Variants in ASIC2 observed in about 807,000 individuals in gnomAD.
ASIC2 encodes the protein acid-sensing ion channel 2.
A neutral mutation model predicts 57.3 loss-of-function variants in ASIC2; 25 were observed. The ratio of observed to expected loss-of-function variants is 0.44; its 90% CI spans 0.32 to 0.61. ASIC2 has a LOEUF of 0.61. Among genes scored for constraint, ASIC2 ranks in the 20% least tolerant of loss-of-function variants. ASIC2 has a pLI of 0.06. For synonymous variants in ASIC2, 319 were observed against 307.5 expected (o/e 1.04, Z -0.39); for missense variants, 641 against 738.1 (o/e 0.87, Z 1.52).
At chr17:33,487,326 G>GA (rs1199040571) in intron 1 of ASIC2, among the ~76,000 whole-genome samples, 2 of 152,180 alleles carry the variant, frequency 1.3e-5, no homozygotes, top group African/African-American at 4.8e-5. Flanking sequence ...CCAGAGCCAG[G>GA]AGGGGCCCCA....
intron 1 of ASIC2, among the ~76,000 whole-genome samples, chr17:33,424,364 C>T (rs936044999): frequency 2.0e-5 from 3 of 152,116 alleles, no homozygotes; most frequent in African/African-American, 7.2e-5. Flanking sequence ...TCTGGGAAAC[C>T]AGGAAGGAGA....
At chr17:33,571,185 G>A (rs1330741532) in intron 1 of ASIC2, among the ~76,000 whole-genome samples, 3 of 152,038 alleles carry the variant, frequency 2.0e-5, no homozygotes, top group African/African-American at 4.8e-5. Context: ...ATGACCTCAG[G>A]AGCCCTCTTT....
At chr17:33,368,714 C>G (rs560295363) in intron 1 of ASIC2, among the ~76,000 whole-genome samples, 2 of 152,266 alleles carry the variant, frequency 1.3e-5, no homozygotes, top group African/African-American at 2.4e-5. Flanking sequence ...TCATCTTGCC[C>G]CTTTATTTGG....
At chr17:33,939,840 C>T (rs1916146825) in intron 1 of ASIC2, among the ~76,000 whole-genome samples, 1 of 152,184 alleles carries the variant, frequency 6.6e-6, no homozygotes, top group Non-Finnish European at 1.5e-5. Flanking sequence ...GCTGCAGTAG[C>T]TCCCTTTAGA....
chr17:33,429,951 A>G (rs1460198271), intron 1 of ASIC2, among the ~76,000 whole-genome samples: 1 of 152,200 alleles, frequency 6.6e-6, no homozygotes, highest in Non-Finnish European at 1.5e-5. Flanking sequence ...TCCAGTGCAC[A>G]GGAATCACTA....
intron 3 of ASIC2, among the ~76,000 whole-genome samples, chr17:33,033,590 C>G (rs2141909412): frequency 6.6e-6 from 1 of 152,364 alleles, no homozygotes; most frequent in East Asian, 1.9e-4. Flanking sequence ...TGGGTGACTC[C>G]TCCCACTGCC....
At chr17:33,638,082 A>G (rs964259581) in intron 1 of ASIC2, among the ~76,000 whole-genome samples, 59 of 152,304 alleles carry the variant, frequency 3.9e-4, no homozygotes, top group African/African-American at 1.4e-3. Context: ...AGTCTGAAAA[A>G]CATCTCAAAA....
intron 1 of ASIC2, among the ~76,000 whole-genome samples, chr17:33,726,167 C>G (rs1213048341): frequency 6.6e-6 from 1 of 152,050 alleles, no homozygotes; most frequent in Admixed American, 6.6e-5. Flanking sequence ...AGAAAACTGC[C>G]AAAGCTTCTG....
intron 1 of ASIC2, among the ~76,000 whole-genome samples, chr17:33,740,825 ACCAGATGGGCTTGG>A (rs978425158): frequency 2.0e-5 from 3 of 152,148 alleles, no homozygotes; most frequent in African/African-American, 4.8e-5. Context: ...TGGTTCTGGG[ACCAGATGGGCTTGG>A]CTATATAGGA....
intron 1 of ASIC2, among the ~76,000 whole-genome samples, chr17:33,242,061 G>C (rs1387447534): frequency 6.6e-6 from 1 of 152,214 alleles, no homozygotes; most frequent in Admixed American, 6.5e-5. Flanking sequence ...GCTCACGCCT[G>C]TAATCCCAGC....
intron 1 of ASIC2, among the ~76,000 whole-genome samples, chr17:33,842,693 T>C (rs149955333): frequency 1.2e-4 from 18 of 152,286 alleles, no homozygotes; most frequent in African/African-American, 3.8e-4. Flanking sequence ...ACTTCAGGCC[T>C]TGCCATGATA....
chr17:33,425,781 A>T (rs531717365), intron 1 of ASIC2, among the ~76,000 whole-genome samples: 74 of 152,276 alleles, frequency 4.9e-4, no homozygotes, highest in African/African-American at 1.7e-3. Context: ...CTGGCTGTGA[A>T]GTCCTCCATC....
At chr17:33,522,084 G>A (rs900908490) in intron 1 of ASIC2, among the ~76,000 whole-genome samples, 1 of 152,142 alleles carries the variant, frequency 6.6e-6, no homozygotes, top group Admixed American at 6.5e-5. Flanking sequence ...TGTCAGGAAG[G>A]GTCAGGGATG....
chr17:33,086,760 A>G (rs2141963262), intron 3 of ASIC2, among the ~76,000 whole-genome samples: 1 of 152,214 alleles, frequency 6.6e-6, no homozygotes, highest in Middle Eastern at 3.4e-3. Flanking sequence ...GCTCCAGCCA[A>G]CACCTGAATA....
At chr17:33,231,195 C>T (rs1414983218) in intron 1 of ASIC2, among the ~76,000 whole-genome samples, 2 of 152,188 alleles carry the variant, frequency 1.3e-5, no homozygotes, top group Admixed American at 1.3e-4. Flanking sequence ...GCACCAGGCA[C>T]GTTCTCGCTA....
At chr17:33,038,562 T>C (rs1241095740) in intron 3 of ASIC2, among the ~76,000 whole-genome samples, 1 of 152,176 alleles carries the variant, frequency 6.6e-6, no homozygotes, top group Non-Finnish European at 1.5e-5. Context: ...TGCTCCTGCA[T>C]GTACTTGACA....
intron 1 of ASIC2, among the ~76,000 whole-genome samples, chr17:33,530,518 T>C (rs1252008873): frequency 6.6e-6 from 1 of 152,272 alleles, no homozygotes; most frequent in Non-Finnish European, 1.5e-5. Flanking sequence ...CCAGACCTTT[T>C]AATGAAACCA....
chr17:33,944,969 C>T (rs986548225), intron 1 of ASIC2, among the ~76,000 whole-genome samples: 17 of 152,190 alleles, frequency 1.1e-4, no homozygotes, highest in African/African-American at 3.9e-4. Context: ...GAGCCTTGTC[C>T]TGCCAAGGGT....
rs140656432 is a variant in ASIC2, at chr17:33,420,568, G to T, written c.556-308501C>A. Among the ~76,000 whole-genome samples, 123 of 152,250 alleles carry T rather than the reference G, an allele frequency of 8.1e-4. 2 individuals carry two copies. The East Asian group carries it at 0.017, about 21-fold the overall frequency. On this transcript the variant is annotated intron_variant, in intron 1 of 9. Coordinates refer to the ASIC2 transcript ENST00000359872. ...ACTACCAGAAATACCACTTTCTTTT[G>T]GGTTAAGGTGTTGTTTGCTTTCAGG...
Sources: gnomAD v4.1 joint callset for allele counts (sites outside exome capture counted in the v4.1 genomes callset) on GRCh38, gnomAD v4.1.1 for gene constraint, MANE v1.5 for transcripts, NCBI Gene and HGNC (gene_info 2026-07-23, HGNC 2026-07-21) for gene names.